The following PCDHA12 variants were observed in gnomAD, a reference collection of about 807,000 sequenced individuals.
PCDHA12 encodes protocadherin alpha 12.
Under a neutral mutation model 60.0 loss-of-function variants are expected in PCDHA12, and 44 were observed. The ratio of observed to expected loss-of-function variants is 0.73; its 90% confidence interval spans 0.58 to 0.94. The LOEUF (loss-of-function observed/expected upper bound fraction) is 0.94. Among genes scored for constraint, PCDHA12 ranks in the 40% least tolerant of loss-of-function variants. PCDHA12 has a pLI of 0.00. For synonymous variants in PCDHA12, 569 were observed against 553.0 expected (o/e 1.03, Z -0.40); for missense variants, 1,276 against 1,239.7 (o/e 1.03, Z -0.44).
At chr5:140,967,921 C>A (rs781932025) in intron 1 of PCDHA12, 3 of 1,614,172 alleles carry the variant, frequency 1.9e-6, no homozygotes, top group Middle Eastern at 3.3e-4. Context: ...CCATTGTGGC[C>A]GTTCTCAGTG....
At chr5:140,968,256 A>G (rs782309414) in intron 1 of PCDHA12, 2 of 1,614,006 alleles carry the variant, frequency 1.2e-6, no homozygotes, top group East Asian at 4.5e-5. Flanking sequence ...ACAGACCCAG[A>G]TGAAAAGGAG....
intron 1 of PCDHA12, chr5:140,882,432 A>G: frequency 6.2e-7 from 1 of 1,614,052 alleles, no homozygotes; most frequent in Non-Finnish European, 8.5e-7. Context: ...CTGGGGCTGG[A>G]GCTGGCGGAG....
chr5:140,897,461 A>G (rs1374397258), intron 1 of PCDHA12, among the ~76,000 whole-genome samples: 5 of 151,630 alleles, frequency 3.3e-5, no homozygotes, highest in African/African-American at 4.8e-5. Flanking sequence ...TCCTTGCGAT[A>G]GTTTACTGAG....
At chr5:140,883,367 G>A (rs782044159) in intron 1 of PCDHA12, 2 of 1,614,124 alleles carry the variant, frequency 1.2e-6, no homozygotes, top group East Asian at 2.2e-5. Context: ...TCAGCCTAGC[G>A]CCATTATTGC....
chr5:140,981,350 G>T (rs2096928266), intron 2 of PCDHA12, among the ~76,000 whole-genome samples: 1 of 152,168 alleles, frequency 6.6e-6, no homozygotes. Flanking sequence ...GAGGCAGGTG[G>T]ATCACTTGAG....
At chr5:140,982,353 C>G (rs2096979519) in intron 2 of PCDHA12, 122 bp from the exon 3 acceptor site, 1 of 1,509,284 alleles carries the variant, frequency 6.6e-7, no homozygotes, top group East Asian at 2.4e-5. Flanking sequence ...TCAGTTCAAG[C>G]ATGAGCAGAA....
chr5:140,980,762 T>C (rs1293384140), intron 2 of PCDHA12, among the ~76,000 whole-genome samples: 2 of 152,090 alleles, frequency 1.3e-5, no homozygotes, highest in Non-Finnish European at 2.9e-5. Context: ...AGAAATAAAA[T>C]AAAAATTGAA....
chr5:140,916,193 C>T lies in PCDHA12; in HGVS notation c.2367+38354C>T, dbSNP rs536117096. On this transcript the variant is annotated intron_variant, in intron 1 of 3. Transcript: ENST00000398631. ...CTGGGACTCTTCAAGGAAGTGGGCACCCCTCTGCCCTGGGGAAGATCCAAA... is the reference window on the plus strand; with the variant it reads ...CTGGGACTCTTCAAGGAAGTGGGCATCCCTCTGCCCTGGGGAAGATCCAAA... 1.6e-4 allele frequency among the ~76,000 whole-genome samples: 25 copies of T among 152,256 alleles called. No individual in the cohort carries two copies. In the South Asian group the frequency reaches 5.0e-3, roughly 30 times the overall value.
At chr5:140,933,351 T>C (rs2089082227) in intron 1 of PCDHA12, among the ~76,000 whole-genome samples, 1 of 152,024 alleles carries the variant, frequency 6.6e-6, no homozygotes, top group South Asian at 2.1e-4. Flanking sequence ...AAACACTTTA[T>C]TTCTAACCCA....
intron 1 of PCDHA12, among the ~76,000 whole-genome samples, chr5:140,910,282 T>C (rs557559116): frequency 1.3e-5 from 2 of 152,300 alleles, no homozygotes; most frequent in East Asian, 1.9e-4. Context: ...AGGAACACCA[T>C]GATTAATCAA....
At chr5:140,987,690 T>C (rs4912736) in intron 3 of PCDHA12, among the ~76,000 whole-genome samples, 37,365 of 152,116 alleles carry the variant, frequency 0.25, 5,761 homozygotes, top group East Asian at 0.43. Context: ...AGTAGCTATT[T>C]TTAAATGATT....
intron 1 of PCDHA12, among the ~76,000 whole-genome samples, chr5:140,933,231 A>G (rs1488760874): frequency 4.6e-5 from 7 of 152,008 alleles, no homozygotes; most frequent in Non-Finnish European, 1.0e-4. Context: ...GCATTTATGA[A>G]AAAGAAAGGA....
intron 1 of PCDHA12, chr5:140,927,936 A>G: frequency 6.2e-7 from 1 of 1,614,246 alleles, no homozygotes; most frequent in East Asian, 2.2e-5. Context: ...TTTCGAACCC[A>G]GTACCTGAGG....
At chr5:140,995,168 A>G (rs1554254492) in intron 3 of PCDHA12, among the ~76,000 whole-genome samples, 1 of 152,186 alleles carries the variant, frequency 6.6e-6, no homozygotes. Context: ...ATGTTCTTTC[A>G]TAGGTGCACC....
At chr5:140,927,868 C>T (rs782143210) in intron 1 of PCDHA12, 2 of 1,614,220 alleles carry the variant, frequency 1.2e-6, no homozygotes, top group Admixed American at 1.7e-5. Flanking sequence ...CACCGCTAAA[C>T]TGCTGGTGGA....
chr5:140,989,010 A>G (rs2097325577), intron 3 of PCDHA12: 1 of 152,226 alleles, frequency 6.6e-6, no homozygotes, highest in Non-Finnish European at 1.5e-5. Context: ...GAGACTTATT[A>G]TAGTTTCTTC....
intron 1 of PCDHA12, among the ~76,000 whole-genome samples, chr5:140,945,952 G>A (rs2093866662): frequency 6.6e-6 from 1 of 151,910 alleles, no homozygotes; most frequent in African/African-American, 2.4e-5. Context: ...ATATGACCCT[G>A]AAAGCACAGG....
At chr5:140,895,038 C>G (rs1554186328) in intron 1 of PCDHA12, among the ~76,000 whole-genome samples, 1 of 152,104 alleles carries the variant, frequency 6.6e-6, no homozygotes, top group African/African-American at 2.4e-5. Context: ...TGTCCCCCAC[C>G]CACACCATTC....
intron 1 of PCDHA12, chr5:140,884,243 C>A: frequency 6.2e-7 from 1 of 1,613,466 alleles, no homozygotes; most frequent in Non-Finnish European, 8.5e-7. Flanking sequence ...TGAGCCCGCG[C>A]TGACGGCCAC....
Sources: allele counts gnomAD v4.1 joint callset (sites outside exome capture counted in the v4.1 genomes callset), GRCh38; gene constraint gnomAD v4.1.1; transcripts MANE v1.5; gene names NCBI Gene and HGNC (gene_info 2026-07-23, HGNC 2026-07-21).